Variants in KYNU observed in about 807,000 individuals in gnomAD.
KYNU encodes the protein L-kynurenine hydrolase.
A neutral mutation model predicts 59.2 loss-of-function variants in KYNU; 54 were observed. The ratio of observed to expected loss-of-function variants is 0.91; its 90% CI spans 0.73 to 1.14. The LOEUF (loss-of-function observed/expected upper bound fraction) is 1.14. Ranked by LOEUF, KYNU falls within the 50% of genes most tolerant of loss-of-function variation. The pLI, the probability that KYNU is intolerant of heterozygous loss-of-function variation, is 0.00. For missense variants in KYNU, 567 were observed against 554.4 expected, an observed-to-expected ratio of 1.02 and a Z score of -0.23; for synonymous variants, 177 against 192.0, an observed-to-expected ratio of 0.92 and a Z score of 0.65.
At chr2:142,923,530 G>A (rs559051661) in intron 3 of KYNU, among the ~76,000 whole-genome samples, 16 of 152,308 alleles carry the variant, frequency 1.1e-4, no homozygotes, top group Non-Finnish European at 2.4e-4. Flanking sequence ...TAGGCATGAA[G>A]TATTTGGGAA....
At chr2:142,978,691 CT>C (rs1311304671) in intron 8 of KYNU, among the ~76,000 whole-genome samples, 1 of 152,104 alleles carries the variant, frequency 6.6e-6, no homozygotes, top group African/African-American at 2.4e-5. Flanking sequence ...AGGACAAAGA[CT>C]TTTTATGTAC....
intron 10 of KYNU, among the ~76,000 whole-genome samples, chr2:142,986,897 C>G (rs1030254464): frequency 6.6e-6 from 1 of 151,760 alleles, no homozygotes; most frequent in Non-Finnish European, 1.5e-5. Flanking sequence ...TTTGGAGCAC[C>G]TCACATTTCT....
intron 4 of KYNU, among the ~76,000 whole-genome samples, chr2:142,946,479 G>A (rs1190826336): frequency 6.6e-6 from 1 of 152,270 alleles, no homozygotes; most frequent in Non-Finnish European, 1.5e-5. Context: ...TAATATCCTT[G>A]TACATCTCCA....
rs1239027129 is a variant in KYNU, at chr2:142,954,971, A to C, written c.435+100A>C. ...GAGCTTCTGGGGGTTTACTTATTTA[A>C]AAATAAATTGTGAGGTTATTTTCAT... On this transcript the variant is annotated intron_variant, in intron 5 of 13. Transcript: ENST00000264170. 72 of 772,030 alleles carry C rather than the reference A, an allele frequency of 9.3e-5. 1 individual carries two copies. Among genetic ancestry groups the C allele is most frequent in the Non-Finnish European group, 1.3e-5 (6 of 447,800 alleles). 47.8% of individuals were successfully genotyped at this position (772,030 alleles called of 1,614,324 possible).
chr2:142,942,731 G>C (rs544661769), intron 4 of KYNU, among the ~76,000 whole-genome samples: 1 of 152,274 alleles, frequency 6.6e-6, no homozygotes, highest in South Asian at 2.1e-4. Flanking sequence ...GGGCCAAGTG[G>C]GCAACTTGAG....
At chr2:142,955,981 T>C (rs1684148808) in intron 5 of KYNU, among the ~76,000 whole-genome samples, 1 of 152,072 alleles carries the variant, frequency 6.6e-6, no homozygotes, top group African/African-American at 2.4e-5. Context: ...TTCCCCCGAG[T>C]TTGCTGTTTC....
chr2:142,908,662 T>G (rs1303967473), intron 2 of KYNU, among the ~76,000 whole-genome samples: 2 of 150,852 alleles, frequency 1.3e-5, no homozygotes, highest in East Asian at 1.9e-4. Context: ...TGAGATGGAG[T>G]CTTGCTCTGT....
chr2:143,042,065 AATGGCATTCGAGTGGCTC>A lies in KYNU; in HGVS notation c.1292_1309del (p.Asn431_Pro437delinsThr), dbSNP rs1302563556. The A allele has an allele frequency of 6.2e-7, 1 of 1,611,956 alleles. No individual in the cohort carries two copies. Among genetic ancestry groups the A allele is most frequent in the South Asian group, 1.1e-5 (1 of 91,052 alleles). On this transcript the variant is annotated inframe_deletion, in exon 14 of 14. Transcript: ENST00000264170. ...CCCACAGTGTGACAAGCGGAATCCA[AATGGCATTCGAGTGGCTC>A]CAGTTCCTCTCTATAATTCTTTCCA...
intron 7 of KYNU, 75 bp downstream of exon 7, chr2:142,957,790 TATTA>T (rs1684219774): frequency 1.1e-6 from 1 of 927,288 alleles, no homozygotes. Context: ...CTCAAAAGTT[TATTA>T]AAATCTTCAT....
intron 3 of KYNU, among the ~76,000 whole-genome samples, chr2:142,924,382 C>T (rs1682984479): frequency 6.6e-6 from 1 of 152,330 alleles, no homozygotes; most frequent in Admixed American, 6.5e-5. Context: ...GCTGGGATTA[C>T]AGGCGTGAGC....
chr2:143,034,940 G>A (rs1242938668), intron 12 of KYNU, among the ~76,000 whole-genome samples: 2 of 151,974 alleles, frequency 1.3e-5, no homozygotes, highest in African/African-American at 2.4e-5. Flanking sequence ...CCTTTTAGAC[G>A]CCTTCACTTT....
At chr2:143,010,893 C>A (rs908926786) in intron 10 of KYNU, among the ~76,000 whole-genome samples, 4 of 145,134 alleles carry the variant, frequency 2.8e-5, no homozygotes, top group Non-Finnish European at 4.5e-5. Context: ...CTTCCTTACA[C>A]CTTATACAAA....
At chr2:142,966,077 C>T (rs531495592) in intron 8 of KYNU, among the ~76,000 whole-genome samples, 1 of 152,182 alleles carries the variant, frequency 6.6e-6, no homozygotes, top group South Asian at 2.1e-4. Flanking sequence ...GGAATCAAGA[C>T]TGTATGCCTA....
Position 142,885,514 on chromosome 2 carries a change from C to G in KYNU, c.147C>G (p.Pro49=), listed in dbSNP as rs1558900324. Residue 49 remains proline, a synonymous_variant, in exon 2 of 14, where the codon CCC becomes CCG. Transcript: ENST00000264170. ...LRHFRECFYI[P]KIQDLPPVDL... The stretch of plus-strand genomic sequence containing the variant: ...ACTTCAGGGAGTGCTTTTATATTCC[C>G]AAAATACAGGATCTGCCTCCAGGTA... 6.2e-7 allele frequency: 1 copy of G among 1,613,482 alleles called. No individual in the cohort carries two copies. The highest frequency in any genetic ancestry group is 8.5e-7 in the Non-Finnish European group (1 of 1,179,890).
chr2:142,973,531 T>G lies in KYNU; in HGVS notation c.730-11553T>G, dbSNP rs543451925. ...CAGCTCCCAGCAATGATGGCTGCATTACTACTCCCATCCTCATACCTTCAG... is the reference window on the plus strand; with the variant it reads ...CAGCTCCCAGCAATGATGGCTGCATGACTACTCCCATCCTCATACCTTCAG... On this transcript the variant is annotated intron_variant, in intron 8 of 13. Coordinates refer to ENST00000264170, the MANE Select transcript of KYNU (RefSeq NM_003937.3). Among the ~76,000 whole-genome samples the G allele has an allele frequency of 2.0e-5, 3 of 152,258 alleles. No homozygotes were observed. In the East Asian group the frequency reaches 5.8e-4, roughly 29 times the overall value.
chr2:143,001,861 A>G (rs1414502424), intron 10 of KYNU, among the ~76,000 whole-genome samples: 3 of 152,198 alleles, frequency 2.0e-5, no homozygotes, highest in Non-Finnish European at 4.4e-5. Context: ...GACTATGCCC[A>G]TTTCCCAGCA....
At chr2:142,998,316 C>T (rs764999167) in intron 10 of KYNU, among the ~76,000 whole-genome samples, 2 of 152,036 alleles carry the variant, frequency 1.3e-5, no homozygotes, top group Non-Finnish European at 2.9e-5. Flanking sequence ...TTTAATTTTA[C>T]TTCATTAGCT....
At chr2:143,040,136 A>T (rs1686995322) in intron 12 of KYNU, among the ~76,000 whole-genome samples, 1 of 152,070 alleles carries the variant, frequency 6.6e-6, no homozygotes. Context: ...GGCCTGCATT[A>T]GTGAAACCTG....
chr2:142,993,697 A>G (rs1321317231), intron 10 of KYNU, among the ~76,000 whole-genome samples: 1 of 152,018 alleles, frequency 6.6e-6, no homozygotes, highest in Non-Finnish European at 1.5e-5. Flanking sequence ...CATAAAAATA[A>G]CTTACATGCA....
Sources: allele counts gnomAD v4.1 joint callset (sites outside exome capture counted in the v4.1 genomes callset), GRCh38; gene constraint gnomAD v4.1.1; transcripts MANE v1.5; gene names NCBI Gene and HGNC (gene_info 2026-07-23, HGNC 2026-07-21).